TTC8: variants seen among roughly 807,000 people sequenced by gnomAD.
TTC8 encodes tetratricopeptide repeat domain 8, also known as tetratricopeptide repeat protein 8.
TTC8 carries 47 observed loss-of-function variants against 72.5 expected under a neutral mutation model. That is an observed-to-expected ratio of 0.65 (90% CI 0.51 to 0.83). The LOEUF (loss-of-function observed/expected upper bound fraction) is 0.83. Among genes scored for constraint, TTC8 ranks in the 40% least tolerant of loss-of-function variants. TTC8 has a pLI of 0.00. For missense variants in TTC8, 611 were observed against 623.2 expected, an observed-to-expected ratio of 0.98 and a Z score of 0.21; for synonymous variants, 199 against 221.4, an observed-to-expected ratio of 0.90 and a Z score of 0.90.
In TTC8 at chr14:88,824,850, A is replaced by G; in HGVS notation, c.114+29A>G. 1.9e-6 allele frequency: 3 copies of G among 1,580,546 alleles called. 1 individual carries two copies. The highest frequency in any genetic ancestry group is 1.7e-6 in the Non-Finnish European group (2 of 1,153,506). ...CCGGCCAGCTCCCGTCAGCCTGTGC[A>G]TCCTGACGCTGAGGCTGCGGGGTCT... On this transcript the variant is annotated intron_variant, in intron 1 of 14. Coordinates refer to ENST00000380656, the MANE Select transcript of TTC8 (RefSeq NM_144596.4).
rs74075891 is a variant in TTC8, at chr14:88,853,131, G to T, written c.710+75G>T. On this transcript the variant is annotated intron_variant, in intron 8 of 14. Coordinates refer to ENST00000380656, the MANE Select transcript of TTC8 (RefSeq NM_144596.4). Reference sequence around the variant, plus strand: ...GTCTCAAATCTGATACTTTTTGAGGGGGGGGAGATTTTCCCATGAAGAAAT... The same window carrying T: ...GTCTCAAATCTGATACTTTTTGAGGTGGGGGAGATTTTCCCATGAAGAAAT... The T allele has an allele frequency of 2.0e-5, 21 of 1,067,966 alleles. No individual in the cohort carries two copies. Among genetic ancestry groups the T allele is most frequent in the East Asian group, 1.3e-4 (5 of 39,942 alleles). 66.2% of individuals were successfully genotyped at this position (1,067,966 alleles called of 1,614,324 possible).
intron 3 of TTC8, chr14:88,840,088 G>T (rs1169283947): frequency 6.1e-6 from 1 of 162,906 alleles, no homozygotes; most frequent in East Asian, 1.7e-4. Flanking sequence ...ATGCTGGGCT[G>T]TGAGTGTCTG....
chr14:88,857,143 G>A, intron 8 of TTC8, 47 bp from the exon 9 acceptor site: 6 of 1,537,768 alleles, frequency 3.9e-6, no homozygotes, highest in Non-Finnish European at 5.4e-6. Context: ...ATGATGTAGT[G>A]TTTATTTTTA....
At chr14:88,844,141 C>T (rs1595946359) in intron 7 of TTC8, among the ~76,000 whole-genome samples, 2 of 152,164 alleles carry the variant, frequency 1.3e-5, no homozygotes, top group South Asian at 4.2e-4. Flanking sequence ...AGTTTTTATG[C>T]TAATGGTGTT....
intron 7 of TTC8, among the ~76,000 whole-genome samples, chr14:88,850,661 C>T (rs1414650607): frequency 6.6e-6 from 1 of 152,150 alleles, no homozygotes; most frequent in African/African-American, 2.4e-5. Context: ...CTCCATCCAG[C>T]CTGGGCAACA....
intron 13 of TTC8, among the ~76,000 whole-genome samples, chr14:88,873,073 A>G (rs2094942144): frequency 6.6e-6 from 1 of 152,196 alleles, no homozygotes; most frequent in Admixed American, 6.5e-5. Flanking sequence ...ACTTTGTTTA[A>G]AATCCTCTAG....
At chr14:88,849,749 A>C in intron 7 of TTC8, among the ~76,000 whole-genome samples, 1 of 152,204 alleles carries the variant, frequency 6.6e-6, no homozygotes, top group East Asian at 1.9e-4. Context: ...AACGCCATGC[A>C]GTGGTATTTA....
chr14:88,848,123 C>CA (rs58210253), intron 7 of TTC8, among the ~76,000 whole-genome samples: 1,053 of 17,482 alleles, frequency 0.06, 218 homozygotes, highest in African/African-American at 0.08. Context: ...AACTCTGTCT[C>CA]AAAAAAAAAA....
chr14:88,863,190 T>C (rs2094896234), intron 10 of TTC8, among the ~76,000 whole-genome samples: 1 of 152,182 alleles, frequency 6.6e-6, no homozygotes, highest in South Asian at 2.1e-4. Flanking sequence ...TCCAGAAAGA[T>C]GGTGTGTTGA....
chr14:88,861,376 T>G, intron 10 of TTC8, 44 bp downstream of exon 10: 1 of 1,391,830 alleles, frequency 7.2e-7, no homozygotes, highest in Non-Finnish European at 1.0e-6. Flanking sequence ...TACACAATAG[T>G]TTTACATATT....
At chr14:88,828,531 C>T (rs2094711928) in intron 1 of TTC8, among the ~76,000 whole-genome samples, 1 of 152,210 alleles carries the variant, frequency 6.6e-6, no homozygotes, top group African/African-American at 2.4e-5. Flanking sequence ...AACTCCTGGA[C>T]ACATAGAGGA....
At chr14:88,880,630 TA>T (rs745979308), downstream of TTC8, 2 of 152,180 alleles carry the variant, frequency 1.3e-5, no homozygotes, top group Non-Finnish European at 2.9e-5. Flanking sequence ...CCTCTTCCAA[TA>T]TTTGAAACTC....
chr14:88,849,768 G>A lies in TTC8; in HGVS notation c.625-3203G>A, dbSNP rs185368299. On this transcript the variant is annotated intron_variant, in intron 7 of 14. Coordinates refer to ENST00000380656, the MANE Select transcript of TTC8 (RefSeq NM_144596.4). The stretch of plus-strand genomic sequence containing the variant: ...CCATGCAGTGGTATTTAAATGTTAG[G>A]AAAAAGTAAAGTTATATATGGAAAA... 3.3e-5 allele frequency among the ~76,000 whole-genome samples: 5 copies of A among 152,168 alleles called. No individual in the cohort carries two copies. In the East Asian group the frequency reaches 7.7e-4, roughly 23 times the overall value.
intron 7 of TTC8, among the ~76,000 whole-genome samples, chr14:88,852,648 A>G (rs192860588): frequency 1.3e-5 from 2 of 152,320 alleles, no homozygotes; most frequent in Admixed American, 1.3e-4. Context: ...TATACAGTAG[A>G]TAAATCAGGG....
At chr14:88,849,898 T>G (rs1281848037) in intron 7 of TTC8, among the ~76,000 whole-genome samples, 1 of 152,224 alleles carries the variant, frequency 6.6e-6, no homozygotes, top group African/African-American at 2.4e-5. Flanking sequence ...GGTTGGTGAT[T>G]CTGCAATCTT....
intron 1 of TTC8, 60 bp from the exon 2 acceptor site, chr14:88,833,633 C>T: frequency 6.5e-7 from 1 of 1,531,752 alleles, no homozygotes; most frequent in African/African-American, 1.4e-5. Flanking sequence ...GTCCTTAGGA[C>T]TTTTTATTTT....
chr14:88,843,125 G>A (rs2140981107), intron 6 of TTC8, among the ~76,000 whole-genome samples: 1 of 152,276 alleles, frequency 6.6e-6, no homozygotes, highest in East Asian at 1.9e-4. Context: ...TATTTGTTTA[G>A]AGGAGTTGAG....
chr14:88,873,681 G>A (rs548283327), intron 13 of TTC8, among the ~76,000 whole-genome samples: 26 of 152,320 alleles, frequency 1.7e-4, no homozygotes, highest in Admixed American at 1.6e-3. Flanking sequence ...TGGAAGCATA[G>A]TATGGAGCAC....
In TTC8 at chr14:88,870,083, G is replaced by A. The variant is rs751118074; in HGVS notation, c.934G>A (p.Ala312Thr). 1.2e-6 allele frequency: 2 copies of A among 1,613,936 alleles called. No individual in the cohort carries two copies. The highest frequency in any genetic ancestry group is 1.7e-6 in the Non-Finnish European group (2 of 1,179,922). The change falls in exon 11 of 15, where the codon GCA (alanine) becomes ACA (threonine). Residue 312 changes from alanine (A) to threonine (T), a missense_variant. Ala to Thr is a moderately conservative substitution (Grantham distance 58). Transcript: ENST00000380656. ...GGAAATGAACAATATGTCATCAGCA[G>A]CAGAATATTACAAAGAAGTTTTGAA... is the stretch of plus-strand genomic sequence containing the variant. ...YEEMNNMSSA[A>T]EYYKEVLKQD...
Sources: allele counts gnomAD v4.1 joint callset (sites outside exome capture counted in the v4.1 genomes callset), GRCh38; gene constraint gnomAD v4.1.1; transcripts MANE v1.5; gene names NCBI Gene and HGNC (gene_info 2026-07-23, HGNC 2026-07-21).